Variants in CTNNA2 observed in about 807,000 individuals in gnomAD.
CTNNA2 encodes the protein catenin alpha 2, also known as catenin alpha-2.
A neutral mutation model predicts 101.0 loss-of-function variants in CTNNA2; 42 were observed. The observed-to-expected ratio is 0.42, with a 90% CI of 0.32 to 0.54. The LOEUF is 0.54. Among genes scored for constraint, CTNNA2 ranks in the 20% least tolerant of loss-of-function variants. The probability of loss-of-function intolerance (pLI) is 0.14; values close to 1 mark genes in which losing one functional copy is unlikely to be tolerated. For synonymous variants in CTNNA2, 450 were observed against 456.4 expected (o/e 0.99, Z 0.18); for missense variants, 871 against 1,223.1 (o/e 0.71, Z 4.29).
chr2:79,896,470 A>G (rs762696668), intron 6 of CTNNA2, among the ~76,000 whole-genome samples: 6 of 152,196 alleles, frequency 3.9e-5, no homozygotes, highest in Admixed American at 3.9e-4. Flanking sequence ...GTAGTGACCT[A>G]TTTTGCTCCA....
intron 9 of CTNNA2, among the ~76,000 whole-genome samples, chr2:80,517,147 A>AT (rs1191150769): frequency 1.3e-5 from 2 of 152,216 alleles, no homozygotes; most frequent in Non-Finnish European, 2.9e-5. Flanking sequence ...GGCACTATAA[A>AT]TTTGTTTTCT....
At chr2:79,716,166 G>A (rs542622486) in intron 2 of CTNNA2, among the ~76,000 whole-genome samples, 1 of 152,238 alleles carries the variant, frequency 6.6e-6, no homozygotes, top group South Asian at 2.1e-4. Context: ...GAGAGGGCAG[G>A]ATGGGAACAC....
At chr2:79,850,671 A>T (rs900524493) in intron 3 of CTNNA2, among the ~76,000 whole-genome samples, 10 of 152,136 alleles carry the variant, frequency 6.6e-5, no homozygotes, top group African/African-American at 2.4e-4. Flanking sequence ...ACCACTTACC[A>T]TCTGTTTGAC....
intron 7 of CTNNA2, among the ~76,000 whole-genome samples, chr2:80,324,266 G>T (rs1679014554): frequency 6.6e-6 from 1 of 152,146 alleles, no homozygotes; most frequent in Non-Finnish European, 1.5e-5. Flanking sequence ...CGACAAAGGG[G>T]CTCTCTTGGA....
At chr2:79,402,496 A>G (rs1216681101) in intron 4 of CTNNA2, among the ~76,000 whole-genome samples, 1 of 151,872 alleles carries the variant, frequency 6.6e-6, no homozygotes, top group Non-Finnish European at 1.5e-5. Context: ...TAATTTATAA[A>G]TTAGGCACAG....
intron 1 of CTNNA2, among the ~76,000 whole-genome samples, chr2:79,549,588 A>G (rs902994805): frequency 1.3e-5 from 2 of 152,298 alleles, no homozygotes; most frequent in Non-Finnish European, 2.9e-5. Flanking sequence ...TTGGAAAATG[A>G]TATGTTAATC....
chr2:79,340,352 C>T (rs1343465640), intron 3 of CTNNA2, among the ~76,000 whole-genome samples: 1 of 152,164 alleles, frequency 6.6e-6, no homozygotes, highest in Admixed American at 6.5e-5. Flanking sequence ...ATTAAACGCA[C>T]ATATGTATCA....
intron 10 of CTNNA2, 48 bp downstream of exon 10, chr2:80,545,122 A>T: frequency 6.4e-7 from 1 of 1,568,128 alleles, no homozygotes; most frequent in Non-Finnish European, 8.7e-7. Context: ...GACCTTCTCC[A>T]CTCCAGCCCT....
chr2:80,286,164 G>A (rs528065231), intron 7 of CTNNA2, among the ~76,000 whole-genome samples: 13 of 152,226 alleles, frequency 8.5e-5, no homozygotes, highest in East Asian at 5.8e-4. Flanking sequence ...GCTTTATGCC[G>A]TGTTTGGTTA....
chr2:79,588,688 GA>G (rs1414444014), intron 1 of CTNNA2, among the ~76,000 whole-genome samples: 1 of 152,040 alleles, frequency 6.6e-6, no homozygotes, highest in Non-Finnish European at 1.5e-5. Flanking sequence ...CACTGAGGAG[GA>G]AAAAGGATGG....
chr2:79,744,962 G>T (rs1671540926), intron 3 of CTNNA2, among the ~76,000 whole-genome samples: 2 of 152,132 alleles, frequency 1.3e-5, no homozygotes, highest in Admixed American at 6.5e-5. Context: ...TATTATAAGA[G>T]AATTATTCTT....
intron 7 of CTNNA2, among the ~76,000 whole-genome samples, chr2:80,362,632 A>G (rs1022468078): frequency 5.8e-5 from 5 of 86,692 alleles, no homozygotes; most frequent in African/African-American, 3.3e-4. Flanking sequence ...TGGAAACTTA[A>G]CGTTTTTAAA....
chr2:80,043,014 T>C (rs1478578483), intron 7 of CTNNA2, among the ~76,000 whole-genome samples: 16 of 149,524 alleles, frequency 1.1e-4, no homozygotes, highest in South Asian at 1.1e-3. Context: ...CCTTCCTTTC[T>C]TTCCCTTTCT....
At chr2:80,642,958 AG>A (rs1308658416) in intron 18 of CTNNA2, among the ~76,000 whole-genome samples, 9 of 152,156 alleles carry the variant, frequency 5.9e-5, no homozygotes, top group Admixed American at 5.9e-4. Flanking sequence ...GAATAGAGGC[AG>A]GGGAAAAAAA....
chr2:80,413,812 G>T (rs1281801023), intron 8 of CTNNA2, among the ~76,000 whole-genome samples: 1 of 152,186 alleles, frequency 6.6e-6, no homozygotes, highest in African/African-American at 2.4e-5. Flanking sequence ...TTCATGGAAA[G>T]ATTTAAGGCT....
chr2:79,823,827 C>T (rs1298039255), intron 3 of CTNNA2, among the ~76,000 whole-genome samples: 1 of 152,086 alleles, frequency 6.6e-6, no homozygotes, highest in African/African-American at 2.4e-5. Context: ...CCCCACCTCA[C>T]AAATATCACC....
intron 4 of CTNNA2, among the ~76,000 whole-genome samples, chr2:79,437,926 C>A (rs1219265351): frequency 6.6e-6 from 1 of 152,110 alleles, no homozygotes; most frequent in African/African-American, 2.4e-5. Context: ...GGCTGTGATT[C>A]CACCACTCTC....
rs139155921 is a variant in CTNNA2, at chr2:79,555,673, T to G, written c.-6+42466T>G. Among the ~76,000 whole-genome samples the G allele has an allele frequency of 1.8e-3, 271 of 152,220 alleles. 1 individual carries two copies. The highest frequency in any genetic ancestry group is 3.0e-3 in the Non-Finnish European group (206 of 67,974). ...AGAGCATTGAATTTCTTATTCTTAGTTATGTGCCGTTTCCATATTTCACAT... is the reference window on the plus strand; with the variant it reads ...AGAGCATTGAATTTCTTATTCTTAGGTATGTGCCGTTTCCATATTTCACAT... On this transcript the variant is annotated intron_variant, in intron 1 of 18. Coordinates refer to ENST00000402739, the MANE Select transcript of CTNNA2 (RefSeq NM_001282597.3).
chr2:79,842,823 G>A (rs1188639151), intron 3 of CTNNA2, among the ~76,000 whole-genome samples: 4 of 151,938 alleles, frequency 2.6e-5, no homozygotes, highest in African/African-American at 7.3e-5. Context: ...ATAAAAGACA[G>A]CTGTTATTGT....
Sources: allele counts gnomAD v4.1 joint callset (sites outside exome capture counted in the v4.1 genomes callset), GRCh38; gene constraint gnomAD v4.1.1; transcripts MANE v1.5; gene names NCBI Gene and HGNC (gene_info 2026-07-23, HGNC 2026-07-21).